FAM78B: variants seen among roughly 807,000 people sequenced by gnomAD.
FAM78B encodes protein FAM78B.
FAM78B carries 10 observed loss-of-function variants against 20.0 expected under a neutral mutation model. The observed-to-expected ratio is 0.50, with a 90% CI of 0.31 to 0.85. The LOEUF is 0.85. FAM78B is among the 40% of genes least tolerant of loss of function. FAM78B has a pLI of 0.05. For missense variants in FAM78B, 283 were observed against 345.0 expected (o/e 0.82, Z 1.42); for synonymous variants, 135 against 132.8 (o/e 1.02, Z -0.12).
At chr1:166,135,915 AC>A (rs1655047838) in intron 1 of FAM78B, among the ~76,000 whole-genome samples, 1 of 152,220 alleles carries the variant, frequency 6.6e-6, no homozygotes, top group South Asian at 2.1e-4. Flanking sequence ...ATCAGTACAG[AC>A]CAGACTTATT....
At chr1:166,147,574 C>G (rs1442549193) in intron 1 of FAM78B, among the ~76,000 whole-genome samples, 1 of 152,126 alleles carries the variant, frequency 6.6e-6, no homozygotes, top group Non-Finnish European at 1.5e-5. Context: ...TGAAATCACA[C>G]AGCTAGTAAA....
chr1:166,164,142 A>G (rs1207411771), intron 1 of FAM78B, among the ~76,000 whole-genome samples: 1 of 152,248 alleles, frequency 6.6e-6, no homozygotes, highest in African/African-American at 2.4e-5. Context: ...TTACTTATTC[A>G]TAAGAGATTT....
intron 1 of FAM78B, among the ~76,000 whole-genome samples, chr1:166,090,986 T>A (rs1653042880): frequency 6.6e-6 from 1 of 152,092 alleles, no homozygotes; most frequent in East Asian, 1.9e-4. Context: ...GGGGTGCGAC[T>A]GAGGTTTGGG....
chr1:166,083,802 T>A (rs1238542965), intron 1 of FAM78B, among the ~76,000 whole-genome samples: 3 of 1,346 alleles, frequency 2.2e-3, no homozygotes, highest in Non-Finnish European at 7.4e-3. Flanking sequence ...CACCCAGCTT[T>A]TTTTTTTTTT....
At chr1:166,119,734 T>C (rs1401087416) in intron 1 of FAM78B, among the ~76,000 whole-genome samples, 1 of 152,198 alleles carries the variant, frequency 6.6e-6, no homozygotes, top group Non-Finnish European at 1.5e-5. Context: ...TTAAAGCGCA[T>C]CAGCAGTTCT....
chr1:166,098,996 GA>G (rs1391129301), intron 1 of FAM78B, among the ~76,000 whole-genome samples: 1 of 152,312 alleles, frequency 6.6e-6, no homozygotes, highest in East Asian at 1.9e-4. Context: ...CTGTGAGACA[GA>G]AGCATCAGGT....
chr1:166,154,925 T>C (rs1395446649), intron 1 of FAM78B: 1 of 438,732 alleles, frequency 2.3e-6, no homozygotes, highest in African/African-American at 2.0e-5. Context: ...ACCACTTGCA[T>C]TCTTCTGGCC....
At chr1:166,056,128 A>G (rs1651335263), downstream of FAM78B, among the ~76,000 whole-genome samples, 1 of 152,150 alleles carries the variant, frequency 6.6e-6, no homozygotes, top group Admixed American at 6.6e-5. Flanking sequence ...AGACATATGT[A>G]TATTTAAAAA....
At chr1:166,104,989 A>C (rs1653709497) in intron 1 of FAM78B, among the ~76,000 whole-genome samples, 1 of 152,226 alleles carries the variant, frequency 6.6e-6, no homozygotes, top group Admixed American at 6.5e-5. Context: ...ACAGCATGGT[A>C]CTGGTACCTA....
chr1:166,089,495 G>A (rs956761768), intron 1 of FAM78B, among the ~76,000 whole-genome samples: 5 of 152,092 alleles, frequency 3.3e-5, no homozygotes, highest in Non-Finnish European at 7.4e-5. Context: ...GGGCAGCAGG[G>A]AAAAAGCAGA....
chr1:166,073,536 C>CT (rs201582992), intron 1 of FAM78B, among the ~76,000 whole-genome samples: 22,565 of 135,620 alleles, frequency 0.17, 1,879 homozygotes, highest in Admixed American at 0.27. Flanking sequence ...CTCTTTCTCT[C>CT]TTTTTTTTTT....
intron 1 of FAM78B, among the ~76,000 whole-genome samples, chr1:166,128,015 G>C (rs958384641): frequency 6.6e-6 from 1 of 152,154 alleles, no homozygotes; most frequent in Non-Finnish European, 1.5e-5. Flanking sequence ...CTATGAAATT[G>C]GCCTCAGTAG....
chr1:166,165,275 C>T (rs1187681671), intron 1 of FAM78B, among the ~76,000 whole-genome samples: 1 of 152,228 alleles, frequency 6.6e-6, no homozygotes, highest in Non-Finnish European at 1.5e-5. Flanking sequence ...AAGAAACACC[C>T]CGCGCCGCGC....
intron 1 of FAM78B, among the ~76,000 whole-genome samples, chr1:166,143,466 A>G (rs1655349498): frequency 6.6e-6 from 1 of 152,184 alleles, no homozygotes; most frequent in Non-Finnish European, 1.5e-5. Context: ...CCTATCTAGG[A>G]AAGGTCAGGC....
intron 1 of FAM78B, among the ~76,000 whole-genome samples, chr1:166,072,022 A>C (rs1337706343): frequency 1.3e-5 from 2 of 152,228 alleles, no homozygotes; most frequent in African/African-American, 4.8e-5. Flanking sequence ...ATAATGCACT[A>C]GAATTTAATA....
At chr1:166,067,294 G>T (rs1024756430), downstream of FAM78B, among the ~76,000 whole-genome samples, 1 of 152,002 alleles carries the variant, frequency 6.6e-6, no homozygotes. Flanking sequence ...AAATTCCTTC[G>T]GGATCATGGA....
chr1:166,166,117 G>T lies in FAM78B; in HGVS notation c.132C>A (p.Tyr44Ter), dbSNP rs998169980. Residue 44 changes from tyrosine (Y) to a stop codon, truncating the protein, a stop_gained, in exon 1 of 2, where the codon TAC becomes TAA. Coordinates refer to ENST00000354422, the MANE Select transcript of FAM78B (RefSeq NM_001017961.5). LOFTEE classifies it high-confidence loss of function. ...CGGAGGCTTTGAAGTAGGGGGTCTTGTAGCGCAGGACGATGGGCGAGGTCT... is the reference window on the plus strand; with the variant it reads ...CGGAGGCTTTGAAGTAGGGGGTCTTTTAGCGCAGGACGATGGGCGAGGTCT... ...IEETSPIVLR[Y>*]KTPYFKASAR... 1 of 1,612,036 alleles carries T rather than the reference G, an allele frequency of 6.2e-7. No individual in the cohort carries two copies. The highest frequency in any genetic ancestry group is 8.5e-7 in the Non-Finnish European group (1 of 1,179,064).
intron 1 of FAM78B, among the ~76,000 whole-genome samples, chr1:166,156,026 G>A (rs967065918): frequency 2.6e-5 from 4 of 152,176 alleles, no homozygotes; most frequent in African/African-American, 9.6e-5. Flanking sequence ...AGTGCTGACT[G>A]CGGATGCCGA....
At chr1:166,104,651 C>T (rs375335715) in intron 1 of FAM78B, among the ~76,000 whole-genome samples, 98 of 152,142 alleles carry the variant, frequency 6.4e-4, no homozygotes, top group African/African-American at 2.2e-3. Flanking sequence ...TTACAAGGGA[C>T]GTGAAGGACC....
Sources: allele counts gnomAD v4.1 joint callset (sites outside exome capture counted in the v4.1 genomes callset), GRCh38; gene constraint gnomAD v4.1.1; transcripts MANE v1.5; gene names NCBI Gene and HGNC (gene_info 2026-07-23, HGNC 2026-07-21).